Variants in RAX observed in about 807,000 individuals in gnomAD.
RAX encodes retinal homeobox protein Rx.
A neutral mutation model predicts 17.4 loss-of-function variants in RAX; 11 were observed. The observed-to-expected ratio is 0.63, with a 90% CI of 0.40 to 1.05. RAX has a LOEUF of 1.05. RAX is among the 50% of genes least tolerant of loss of function. The pLI is 0.00. For synonymous variants in RAX, 276 were observed against 254.7 expected (o/e 1.08, Z -0.80); for missense variants, 527 against 501.1 (o/e 1.05, Z -0.49).
In RAX at chr18:59,269,423, G is replaced by T. The variant is rs2070315420; in HGVS notation, c.622C>A (p.Pro208Thr). Residue 208 changes from proline to threonine, a missense_variant, in exon 3 of 3, where the codon CCC (proline) becomes ACC (threonine). Physicochemically the swap from Pro to Thr is conservative, Grantham distance 38. Coordinates refer to ENST00000334889, the MANE Select transcript of RAX (RefSeq NM_013435.3). ...GGGGAGCGGCTGAAGGAGAGGAGGGGCGAGTCCTGCAGCTTCATGGAGGAC... is the reference window on the plus strand; with the variant it reads ...GGGGAGCGGCTGAAGGAGAGGAGGGTCGAGTCCTGCAGCTTCATGGAGGAC... ...EVSSMKLQDS[P>T]LLSFSRSPPS... The T allele has an allele frequency of 6.3e-7, 1 of 1,577,464 alleles. No homozygotes were observed. Among genetic ancestry groups the T allele is most frequent in the Non-Finnish European group, 8.5e-7 (1 of 1,170,286 alleles).
At chr18:59,272,309 AT>A in intron 2 of RAX, 51 bp downstream of exon 2, 1 of 1,613,436 alleles carries the variant, frequency 6.2e-7, no homozygotes, top group Non-Finnish European at 8.5e-7. Context: ...ATTGGCTGCA[AT>A]TTGGGCCTCG....
At chr18:59,270,298 G>T (rs1002379426) in intron 2 of RAX, among the ~76,000 whole-genome samples, 1 of 152,168 alleles carries the variant, frequency 6.6e-6, no homozygotes, top group African/African-American at 2.4e-5. Context: ...CTTTCAAGGA[G>T]TACAATCATT....
chr18:59,268,904 AAG>A lies in RAX; in HGVS notation c.*98_*99del. 6.3e-7 allele frequency: 1 copy of A among 1,583,132 alleles called. No homozygotes were observed. The highest frequency in any genetic ancestry group is 8.6e-7 in the Non-Finnish European group (1 of 1,160,382). ...GGCGGGTGGCTGCAGGCGACAGGGA[AAG>A]AGGGGCCGAGCTGGGGAGGGGGGTT... On this transcript the variant is annotated 3_prime_UTR_variant, in exon 3 of 3. Transcript: ENST00000334889. The surrounding 1 kb of genome is among the most constrained non-coding windows in gnomAD (Gnocchi z 4.4).
Position 59,273,331 on chromosome 18 carries a change from C to T in RAX, c.-125G>A, listed in dbSNP as rs954910240. On this transcript the variant is annotated 5_prime_UTR_variant, in exon 1 of 3. Coordinates refer to ENST00000334889, the MANE Select transcript of RAX (RefSeq NM_013435.3). Reference sequence around the variant, plus strand: ...CCTAGGTCAAGCTCCGCGGGCGAAGCCCGCCCGGGCTGCGCACGCTGGGGG... The same window carrying T: ...CCTAGGTCAAGCTCCGCGGGCGAAGTCCGCCCGGGCTGCGCACGCTGGGGG... 1.1e-5 allele frequency: 12 copies of T among 1,053,330 alleles called. No homozygotes were observed. The highest frequency in any genetic ancestry group is 5.9e-5 in the East Asian group (2 of 33,906). The allele number at this position is 1,053,330 out of a possible 1,614,324, so 65.2% of individuals were successfully genotyped here. A position where few individuals can be genotyped will look rare whatever the true frequency, so the allele number is the denominator to read the frequency against.
Position 59,269,320 on chromosome 18 carries a change from TC to T in RAX, c.724del (p.Glu242SerfsTer43). On this transcript the variant is annotated frameshift_variant, in exon 3 of 3. Coordinates refer to ENST00000334889, the MANE Select transcript of RAX (RefSeq NM_013435.3). LOFTEE classifies it low-confidence loss of function (END_TRUNC). ...CGGCAGCGGCGGCCCGAGCCAGGAC[TC>T]CAGCGGCAGCGCGCCCCCAGCCGGC... Reference protein sequence around the residue: ...GGPAGGALPLESWLGPPLPGG... With the variant: ...GGPAGGALPLXSWLGPPLPGG... 1 of 1,300,026 alleles carries T rather than the reference TC, an allele frequency of 7.7e-7. No individual in the cohort carries two copies. The highest frequency in any genetic ancestry group is 9.7e-7 in the Non-Finnish European group (1 of 1,030,022). 80.5% of individuals were successfully genotyped at this position (1,300,026 alleles called of 1,614,324 possible).
rs1285811067 is a variant in RAX at position 59,268,995 on chromosome 18, C to T, written c.*9G>A. On this transcript the variant is annotated 3_prime_UTR_variant, in exon 3 of 3. Transcript: ENST00000334889. The surrounding 1 kb of genome is among the most constrained non-coding windows in gnomAD (Gnocchi z 4.4). ...CCGGGGTCGGATCCCAAGACGTTCC[C>T]CAGTGCCCCTAGAGGGCCTGCCACG... 1.9e-6 allele frequency: 3 copies of T among 1,612,944 alleles called. No homozygotes were observed. In the East Asian group the frequency reaches 6.7e-5, roughly 36 times the overall value.
rs2070357667 is a variant in RAX at position 59,273,297 on chromosome 18, G to T, written c.-91C>A. On this transcript the variant is annotated 5_prime_UTR_variant, in exon 1 of 3. Transcript: ENST00000334889. ...CCGAGTGCGGCGGTGCAACCCGACG[G>T]GTCCCGACCCTAGGTCAAGCTCCGC... 1.6e-5 allele frequency: 21 copies of T among 1,349,886 alleles called. No individual in the cohort carries two copies. Among genetic ancestry groups the T allele is most frequent in the Non-Finnish European group, 2.0e-5 (20 of 1,018,258 alleles). The allele number at this position is 1,349,886 out of a possible 1,614,324, so 83.6% of individuals were successfully genotyped here.
In RAX at chr18:59,268,840, C is replaced by G. The variant is rs779650001; in HGVS notation, c.*164G>C. On this transcript the variant is annotated 3_prime_UTR_variant, in exon 3 of 3. Transcript: ENST00000334889. This position sits in a 1 kb window ranked among gnomAD's most constrained non-coding sequence, Gnocchi z 4.4. Reference sequence around the variant, plus strand: ...CAGGCCTGAAAGTCGCCCTTCTCCCCGTGCATCGGGAGCAGGCGCGTGGCC... The same window carrying G: ...CAGGCCTGAAAGTCGCCCTTCTCCCGGTGCATCGGGAGCAGGCGCGTGGCC... The G allele has an allele frequency of 3.4e-6, 4 of 1,193,462 alleles. No homozygotes were observed. In the South Asian group the frequency reaches 4.4e-5, roughly 13 times the overall value. 73.9% of individuals were successfully genotyped at this position (1,193,462 alleles called of 1,614,324 possible).
At position 59,269,117 on chromosome 18, in the gene RAX, C is replaced by G. The variant is rs776800244; in HGVS notation, c.928G>C (p.Gly310Arg). 3.7e-6 allele frequency: 6 copies of G among 1,608,624 alleles called. No homozygotes were observed. In the South Asian group the frequency reaches 4.4e-5, roughly 12 times the overall value. The change falls in exon 3 of 3, where the codon GGG becomes CGG. Residue 310 changes from glycine (G) to arginine (R), a missense_variant. Transcript: ENST00000334889. ...PPSYPCGPGFGDKFPLDEADP... is the reference protein window; with the variant it reads ...PPSYPCGPGFRDKFPLDEADP... ...GCCTCGTCCAGCGGGAACTTGTCCC[C>G]GAAGCCGGGCCCGCACGGGTAGGAG...
chr18:59,268,056 G>C lies in RAX; in HGVS notation c.*948C>G, dbSNP rs2070296599. The stretch of plus-strand genomic sequence containing the variant: ...TTGTACCGCTGGTGATCAACCTTGG[G>C]TGTTAGGGACTGGCACCGAACCGGA... On this transcript the variant is annotated 3_prime_UTR_variant, in exon 3 of 3. Coordinates refer to ENST00000334889, the MANE Select transcript of RAX (RefSeq NM_013435.3). The surrounding 1 kb of genome is among the most constrained non-coding windows in gnomAD (Gnocchi z 4.4). 6.6e-6 allele frequency: 1 copy of C among 152,358 alleles called. No individual in the cohort carries two copies. The highest frequency in any genetic ancestry group is 2.4e-5 in the African/African-American group (1 of 41,444). The allele number at this position is 152,358 out of a possible 1,614,324, so 9.4% of individuals were successfully genotyped here.
chr18:59,270,383 GT>G (rs1216310909), intron 2 of RAX, among the ~76,000 whole-genome samples: 2 of 152,168 alleles, frequency 1.3e-5, no homozygotes, highest in Non-Finnish European at 2.9e-5. Flanking sequence ...CAATGACAAG[GT>G]TTTTTGCTTC....
At position 59,268,891 on chromosome 18, in the gene RAX, C is replaced by T. The variant is rs1056465650; in HGVS notation, c.*113G>A. The T allele has an allele frequency of 3.0e-5, 46 of 1,539,498 alleles. No individual in the cohort carries two copies. The African/African-American group carries it at 6.0e-4, about 20-fold the overall frequency. Reference sequence around the variant, plus strand: ...CTGAACTATGCTTGGCGGGTGGCTGCAGGCGACAGGGAAAGAGGGGCCGAG... The same window carrying T: ...CTGAACTATGCTTGGCGGGTGGCTGTAGGCGACAGGGAAAGAGGGGCCGAG... On this transcript the variant is annotated 3_prime_UTR_variant, in exon 3 of 3. Transcript: ENST00000334889. The surrounding 1 kb of genome is among the most constrained non-coding windows in gnomAD (Gnocchi z 4.4).
At position 59,267,681 on chromosome 18, in the gene RAX, T is replaced by C. The variant is rs1411837833; in HGVS notation, c.*1323A>G. On this transcript the variant is annotated 3_prime_UTR_variant, in exon 3 of 3. Transcript: ENST00000334889. The stretch of plus-strand genomic sequence containing the variant: ...CTGTTGGCGGGCATCCAGGTTCTGC[T>C]GGCGGTCGCCCAGCTTCCAGTGTCA... The C allele has an allele frequency of 1.4e-5, 2 of 142,162 alleles. No individual in the cohort carries two copies. Among genetic ancestry groups the C allele is most frequent in the African/African-American group, 5.2e-5 (2 of 38,470 alleles). 8.8% of individuals were successfully genotyped at this position (142,162 alleles called of 1,614,324 possible).
In RAX at chr18:59,269,239, C is replaced by T; in HGVS notation, c.806G>A (p.Ser269Asn). The change falls in exon 3 of 3, where the codon AGC becomes AAC. Residue 269 changes from serine (S) to asparagine (N), a missense_variant. Ser to Asn is a conservative substitution (Grantham distance 46). Transcript: ENST00000334889. The part of the protein sequence containing the change: ...SLPGFGPPAQ[S>N]LPASYTPPPP... The stretch of plus-strand genomic sequence containing the variant: ...CGGTGGCGTGTAGCTGGCAGGCAGG[C>T]TCTGCGCCGGCGGCCCGAAGCCCGG... 6.6e-7 allele frequency: 1 copy of T among 1,509,274 alleles called. No homozygotes were observed. Among genetic ancestry groups the T allele is most frequent in the Non-Finnish European group, 8.8e-7 (1 of 1,136,012 alleles). 93.5% of individuals were successfully genotyped at this position (1,509,274 alleles called of 1,614,324 possible).
rs1016373138 is a variant in RAX at position 59,267,609 on chromosome 18, G to C, written c.*1395C>G. 6 of 150,726 alleles carry C rather than the reference G, an allele frequency of 4.0e-5. No homozygotes were observed. Among genetic ancestry groups the C allele is most frequent in the African/African-American group, 1.5e-4 (6 of 40,698 alleles). The allele number at this position is 150,726 out of a possible 1,614,324, so 9.3% of individuals were successfully genotyped here. On this transcript the variant is annotated 3_prime_UTR_variant, in exon 3 of 3. Coordinates refer to ENST00000334889, the MANE Select transcript of RAX (RefSeq NM_013435.3). Reference sequence around the variant, plus strand: ...GGCATCATCCTGAAAGCACGCTTAGGGACGGGGGTTGTGGGGTGGACGCCC... The same window carrying C: ...GGCATCATCCTGAAAGCACGCTTAGCGACGGGGGTTGTGGGGTGGACGCCC...
Position 59,272,346 on chromosome 18 carries a change from A to G in RAX, c.543+15T>C. 1.2e-6 allele frequency: 2 copies of G among 1,614,100 alleles called. No individual in the cohort carries two copies. Among genetic ancestry groups the G allele is most frequent in the African/African-American group, 1.3e-5 (1 of 75,020 alleles). Reference sequence around the variant, plus strand: ...GGCCCTCCCAGATCCCAGTTCCTCAACCTGGGCGCTTTACCTGGACCCGGA... The same window carrying G: ...GGCCCTCCCAGATCCCAGTTCCTCAGCCTGGGCGCTTTACCTGGACCCGGA... On this transcript the variant is annotated intron_variant, in intron 2 of 2. Transcript: ENST00000334889.
rs1246224888 is a variant in RAX, at chr18:59,272,980, G to C, written c.227C>G (p.Ala76Gly). ...RLGARPACPK[A>G]PEEGSEPSPP... ...GGAGGGCTCGGAGCCTTCCTCGGGC[G>C]CCTTGGGGCAGGCGGGCCGCGCGCC... The change falls in exon 1 of 3, where the codon GCG (alanine) becomes GGG (glycine). Residue 76 changes from alanine (A) to glycine (G), a missense_variant. Coordinates refer to ENST00000334889, the MANE Select transcript of RAX (RefSeq NM_013435.3). 6 of 1,520,982 alleles carry C rather than the reference G, an allele frequency of 3.9e-6. No individual in the cohort carries two copies. The highest frequency in any genetic ancestry group is 5.3e-6 in the Non-Finnish European group (6 of 1,141,656). 94.2% of individuals were successfully genotyped at this position (1,520,982 alleles called of 1,614,324 possible). A position where few individuals can be genotyped will look rare whatever the true frequency, so the allele number is the denominator to read the frequency against.
At chr18:59,272,896 A>C in intron 1 of RAX, 22 bp downstream of exon 1, 3 of 1,492,324 alleles carry the variant, frequency 2.0e-6, no homozygotes, top group Non-Finnish European at 2.6e-6. Flanking sequence ...ACGGCCTCGC[A>C]CAGCCAGGGG....
Position 59,273,262 on chromosome 18 carries a change from C to T in RAX, c.-56G>A. The T allele has an allele frequency of 1.4e-6, 2 of 1,479,190 alleles. No homozygotes were observed. The highest frequency in any genetic ancestry group is 2.6e-5 in the East Asian group (1 of 39,158). The allele number at this position is 1,479,190 out of a possible 1,614,324, so 91.6% of individuals were successfully genotyped here. On this transcript the variant is annotated 5_prime_UTR_variant, in exon 1 of 3. Coordinates refer to ENST00000334889, the MANE Select transcript of RAX (RefSeq NM_013435.3). The stretch of plus-strand genomic sequence containing the variant: ...GGAGACGGAGAGGAGAGGCTCGAAG[C>T]CGGGTCTTCCCGAGTGCGGCGGTGC...
Sources: gnomAD v4.1 joint callset for allele counts (sites outside exome capture counted in the v4.1 genomes callset) on GRCh38, gnomAD v4.1.1 for gene constraint, Gnocchi (gnomAD v3.1) non-coding constraint, MANE v1.5 for transcripts, NCBI Gene and HGNC (gene_info 2026-07-23, HGNC 2026-07-21) for gene names.